The following MCOLN3 variants were observed in gnomAD, a reference collection of about 807,000 sequenced individuals.
The protein encoded by MCOLN3 is mucolipin TRP cation channel 3.
A neutral mutation model predicts 69.4 loss-of-function variants in MCOLN3; 62 were observed. The observed-to-expected ratio is 0.89, with a 90% CI of 0.73 to 1.10. MCOLN3 has a LOEUF of 1.10. Ranked by LOEUF, MCOLN3 falls within the 50% of genes least tolerant of loss-of-function variation. The probability of loss-of-function intolerance (pLI) is 0.00; values close to 1 mark genes in which losing one functional copy is unlikely to be tolerated. For synonymous variants in MCOLN3, 183 were observed against 217.0 expected (o/e 0.84, Z 1.38); for missense variants, 564 against 656.4 (o/e 0.86, Z 1.54).
intron 2 of MCOLN3, among the ~76,000 whole-genome samples, chr1:85,042,330 G>C (rs1018630938): frequency 6.6e-6 from 1 of 152,204 alleles, no homozygotes; most frequent in African/African-American, 2.4e-5. Flanking sequence ...TCCAGGGTTT[G>C]ATCAGAAAAA....
rs2102930793 is a variant in MCOLN3, at chr1:85,032,871, C to G, written c.635+1G>C. The stretch of plus-strand genomic sequence containing the variant: ...GTTACACTCCTGTCTGCTCCCCTCA[C>G]CTGTGGAAGTCCAGTGTTAAGTTCA... On this transcript the variant is annotated splice_donor_variant, in intron 5 of 12. Coordinates refer to ENST00000370589, the MANE Select transcript of MCOLN3 (RefSeq NM_018298.11). LOFTEE classifies it high-confidence loss of function. 5 of 1,614,192 alleles carry G rather than the reference C, an allele frequency of 3.1e-6. No homozygotes were observed. The East Asian group carries it at 6.7e-5, about 22-fold the overall frequency.
chr1:85,026,629 C>T (rs568523192), intron 7 of MCOLN3, among the ~76,000 whole-genome samples: 48 of 150,526 alleles, frequency 3.2e-4, no homozygotes, highest in Middle Eastern at 3.4e-3. Context: ...TGGTGGTGAG[C>T]GCCTGTAGTC....
intron 6 of MCOLN3, among the ~76,000 whole-genome samples, chr1:85,030,587 A>G (rs1209926793): frequency 6.6e-6 from 1 of 152,188 alleles, no homozygotes; most frequent in African/African-American, 2.4e-5. Context: ...CTGAATAAAT[A>G]TCAAATATAA....
At chr1:85,038,192 G>A (rs562908572) in intron 3 of MCOLN3, among the ~76,000 whole-genome samples, 7 of 152,274 alleles carry the variant, frequency 4.6e-5, no homozygotes, top group African/African-American at 1.7e-4. Flanking sequence ...TGGATGGGCA[G>A]TTCTGAGGTG....
chr1:85,021,346 A>C, intron 11 of MCOLN3, 70 bp from the exon 12 acceptor site: 1 of 1,300,112 alleles, frequency 7.7e-7, no homozygotes, highest in Non-Finnish European at 1.1e-6. Flanking sequence ...TGTTCATGAC[A>C]TTGTATTAAA....
At chr1:85,028,438 A>C (rs541675926) in intron 7 of MCOLN3, among the ~76,000 whole-genome samples, 1 of 152,012 alleles carries the variant, frequency 6.6e-6, no homozygotes, top group Non-Finnish European at 1.5e-5. Flanking sequence ...GAATCTGAGA[A>C]CTCCTCATCT....
intron 1 of MCOLN3, chr1:85,047,195 C>T (rs1301195359): frequency 6.6e-6 from 1 of 152,262 alleles, no homozygotes; most frequent in South Asian, 2.1e-4. Flanking sequence ...ACTAGCCACA[C>T]ACCATGTACA....
Position 85,041,169 on chromosome 1 carries a change from T to G in MCOLN3, c.237A>C (p.Leu79Phe). 9 of 1,612,224 alleles carry G rather than the reference T, an allele frequency of 5.6e-6. No individual in the cohort carries two copies. Among genetic ancestry groups the G allele is most frequent in the Non-Finnish European group, 7.6e-6 (9 of 1,179,560 alleles). ...KIAMVTIQLVLFGLSNQMVVA... is the reference protein window; with the variant it reads ...KIAMVTIQLVFFGLSNQMVVA... The stretch of plus-strand genomic sequence containing the variant: ...CCACCATCTGGTTACTTAGCCCAAA[T>G]AAGACCAGCTTAAAAGAAAAAAAAG... Residue 79 changes from leucine (L) to phenylalanine (F), a missense_variant, in exon 3 of 13, where the codon TTA becomes TTC. Physicochemically the swap from Leu to Phe is conservative, Grantham distance 22. Transcript: ENST00000370589.
Position 85,019,207 on chromosome 1 carries a change from TG to T in MCOLN3, c.1577del (p.Ser526Ter). ...CAGAGTTGGGTAGATCTTTGCATTC[TG>T]ATATAAATGTACGAAGTTCAGTCTC... Reference protein sequence around the residue: ...FPETELRTFISECKDLPNSGK... With the variant: ...FPETELRTFIXECKDLPNSGK... On this transcript the variant is annotated frameshift_variant, in exon 13 of 13. Transcript: ENST00000370589. LOFTEE classifies it high-confidence loss of function. 1 of 1,613,550 alleles carries T rather than the reference TG, an allele frequency of 6.2e-7. No homozygotes were observed. The highest frequency in any genetic ancestry group is 8.5e-7 in the Non-Finnish European group (1 of 1,179,542).
chr1:85,030,167 C>T lies in MCOLN3; in HGVS notation c.733-962G>A, dbSNP rs138986195. Among the ~76,000 whole-genome samples the T allele has an allele frequency of 4.5e-4, 68 of 152,306 alleles. 1 individual carries two copies. In the East Asian group the frequency reaches 8.1e-3, roughly 18 times the overall value. Reference sequence around the variant, plus strand: ...AGCCTATGGCCTCGTGCAAGGAGGACGCTCAGTGTTACTTGATTGAGTCAG... The same window carrying T: ...AGCCTATGGCCTCGTGCAAGGAGGATGCTCAGTGTTACTTGATTGAGTCAG... On this transcript the variant is annotated intron_variant, in intron 6 of 12. Transcript: ENST00000370589.
At chr1:85,022,265 T>C (rs759472614) in intron 10 of MCOLN3, 34 bp downstream of exon 10, 2 of 1,613,638 alleles carry the variant, frequency 1.2e-6, no homozygotes, top group South Asian at 2.2e-5. Context: ...TTGAGAGAAA[T>C]ACCAACAGCA....
At chr1:85,023,714 G>C (rs1223677213) in intron 9 of MCOLN3, among the ~76,000 whole-genome samples, 2 of 152,144 alleles carry the variant, frequency 1.3e-5, no homozygotes, top group African/African-American at 4.8e-5. Context: ...ACTAAGCTGT[G>C]GGACAGGATG....
chr1:85,020,967 T>C (rs1056625602), intron 12 of MCOLN3, 103 bp downstream of exon 12: 6 of 808,158 alleles, frequency 7.4e-6, no homozygotes, highest in Non-Finnish European at 1.1e-5. Flanking sequence ...CCTGAAGAAA[T>C]TAACATTCCA....
At chr1:85,030,165 G>A (rs1464882515) in intron 6 of MCOLN3, among the ~76,000 whole-genome samples, 4 of 152,220 alleles carry the variant, frequency 2.6e-5, no homozygotes. Context: ...GTGCAAGGAG[G>A]ACGCTCAGTG....
chr1:85,037,355 G>C (rs12075761), intron 3 of MCOLN3, among the ~76,000 whole-genome samples: 1 of 152,074 alleles, frequency 6.6e-6, no homozygotes, highest in East Asian at 1.9e-4. Context: ...GCAAGCAGGG[G>C]TCACGACGCA....
At chr1:85,034,297 A>G (rs750242050) in intron 3 of MCOLN3, 46 bp from the exon 4 acceptor site, 1 of 1,607,702 alleles carries the variant, frequency 6.2e-7, no homozygotes, top group Non-Finnish European at 8.5e-7. Flanking sequence ...CAGCCAGGGC[A>G]GGAGTGAAGC....
chr1:85,034,007 C>A lies in MCOLN3; in HGVS notation c.550+91G>T, dbSNP rs1455453268. ...TCTTACTATGTCCTAATATCACAGA[C>A]CAAATCAATGTTTTCAAAGATGAAA... On this transcript the variant is annotated intron_variant, in intron 4 of 12. Coordinates refer to ENST00000370589, the MANE Select transcript of MCOLN3 (RefSeq NM_018298.11). 6 of 1,375,332 alleles carry A rather than the reference C, an allele frequency of 4.4e-6. No individual in the cohort carries two copies. In the East Asian group the frequency reaches 1.2e-4, roughly 27 times the overall value. 85.2% of individuals were successfully genotyped at this position (1,375,332 alleles called of 1,614,324 possible).
In MCOLN3 at chr1:85,021,101, G is replaced by C. The variant is rs756966794; in HGVS notation, c.1496C>G (p.Ala499Gly). Residue 499 changes from alanine (A) to glycine (G), a missense_variant, in exon 12 of 13, where the codon GCA (alanine) becomes GGA (glycine). By Grantham distance (60) the Ala-to-Gly change is moderately conservative. Transcript: ENST00000370589. ...FIYMILSLFI[A>G]LITDTYETIK... ...TGTTTCGTATGTATCAGTGATCAGT[G>C]CAATGAAAAGACTTAAAATCATATA... The C allele has an allele frequency of 2.5e-6, 4 of 1,610,560 alleles. No individual in the cohort carries two copies. The African/African-American group carries it at 4.0e-5, about 16-fold the overall frequency.
At chr1:85,031,549 G>T (rs944235228) in intron 6 of MCOLN3, among the ~76,000 whole-genome samples, 3 of 151,948 alleles carry the variant, frequency 2.0e-5, no homozygotes, top group African/African-American at 4.8e-5. Flanking sequence ...ATGCTAATAA[G>T]AACTTTAAAA....
Sources: allele counts gnomAD v4.1 joint callset (sites outside exome capture counted in the v4.1 genomes callset), GRCh38; gene constraint gnomAD v4.1.1; transcripts MANE v1.5; gene names NCBI Gene and HGNC (gene_info 2026-07-23, HGNC 2026-07-21).